The following NHEJ1 variants were observed in gnomAD, a reference collection of about 807,000 sequenced individuals.
NHEJ1 encodes non-homologous end joining factor 1, also known as non-homologous end-joining factor 1.
NHEJ1 carries 22 observed loss-of-function variants against 39.4 expected under a neutral mutation model. The observed-to-expected ratio is 0.56, with a 90% CI of 0.40 to 0.80. NHEJ1 has a LOEUF of 0.80. Among genes scored for constraint, NHEJ1 ranks in the 30% least tolerant of loss-of-function variants. The probability of loss-of-function intolerance (pLI) is 0.00; values close to 1 mark genes in which losing one functional copy is unlikely to be tolerated. For synonymous variants in NHEJ1, 154 were observed against 135.6 expected (o/e 1.14, Z -0.94); for missense variants, 329 against 357.1 (o/e 0.92, Z 0.63).
chr2:219,081,215 T>C (rs968597179), intron 5 of NHEJ1, among the ~76,000 whole-genome samples: 1 of 152,122 alleles, frequency 6.6e-6, no homozygotes, highest in Non-Finnish European at 1.5e-5. Context: ...TGGGCCTCAT[T>C]CTCAGAATAT....
chr2:219,069,612 CA>C lies in NHEJ1; in HGVS notation c.*6768del, dbSNP rs1224733603. 2.0e-5 allele frequency: 3 copies of C among 152,258 alleles called. No individual in the cohort carries two copies. In the South Asian group the frequency reaches 6.2e-4, roughly 32 times the overall value. 9.4% of individuals were successfully genotyped at this position (152,258 alleles called of 1,614,324 possible). A position where few individuals can be genotyped will look rare whatever the true frequency, so the allele number is the denominator to read the frequency against. On this transcript the variant is annotated 3_prime_UTR_variant, in exon 8 of 8. Transcript: ENST00000356853. ...TATGCATGGTTCTGGATGGGAATCTCAAAGATGATGGCGGTCATCAAATGGA... is the reference window on the plus strand; with the variant it reads ...TATGCATGGTTCTGGATGGGAATCTCAAGATGATGGCGGTCATCAAATGGA...
At chr2:219,160,685 T>C (rs1949927129) in intron 1 of NHEJ1, 35 bp downstream of exon 1, 1 of 152,296 alleles carries the variant, frequency 6.6e-6, no homozygotes, top group African/African-American at 2.4e-5. Context: ...CTCGCTGGCT[T>C]GCTCCTGCCC....
intron 5 of NHEJ1, among the ~76,000 whole-genome samples, chr2:219,122,747 A>C (rs1949483457): frequency 6.6e-6 from 1 of 152,238 alleles, no homozygotes; most frequent in South Asian, 2.1e-4. Context: ...GGCCTGAAGG[A>C]AGACTGCAGA....
chr2:219,076,804 G>A (rs1194872191), intron 7 of NHEJ1, among the ~76,000 whole-genome samples: 1 of 152,130 alleles, frequency 6.6e-6, no homozygotes, highest in Non-Finnish European at 1.5e-5. Context: ...GCCTCCCACA[G>A]GTTGTGATAA....
intron 5 of NHEJ1, among the ~76,000 whole-genome samples, chr2:219,079,389 T>A (rs1474765184): frequency 6.6e-6 from 1 of 152,176 alleles, no homozygotes; most frequent in Non-Finnish European, 1.5e-5. Context: ...TTTTGTGCTG[T>A]AAGGGCATTC....
chr2:219,072,805 T>C lies in NHEJ1; in HGVS notation c.*3576A>G, dbSNP rs1574694885. On this transcript the variant is annotated 3_prime_UTR_variant, in exon 8 of 8. Transcript: ENST00000356853. Reference sequence around the variant, plus strand: ...TACTCTCTGGAGCGAATCTGTGTAGTTTTGTAAGTAGGAGAAAATGAGAGA... The same window carrying C: ...TACTCTCTGGAGCGAATCTGTGTAGCTTTGTAAGTAGGAGAAAATGAGAGA... 6.6e-6 allele frequency among the ~76,000 whole-genome samples: 1 copy of C among 152,116 alleles called. No homozygotes were observed. Among genetic ancestry groups the C allele is most frequent in the Non-Finnish European group, 1.5e-5 (1 of 68,024 alleles).
At chr2:219,158,077 A>G in intron 2 of NHEJ1, 109 bp downstream of exon 2, 1 of 1,063,922 alleles carries the variant, frequency 9.4e-7, no homozygotes, top group South Asian at 1.3e-5. Context: ...AGTACAGGAC[A>G]TTAACTGGAA....
rs1574694885 is a variant in NHEJ1 at position 219,072,805 on chromosome 2, T to A, written c.*3576A>T. Among the ~76,000 whole-genome samples the A allele has an allele frequency of 6.6e-6, 1 of 152,116 alleles. No homozygotes were observed. Among genetic ancestry groups the A allele is most frequent in the East Asian group, 1.9e-4 (1 of 5,190 alleles). On this transcript the variant is annotated 3_prime_UTR_variant, in exon 8 of 8. Transcript: ENST00000356853. ...TACTCTCTGGAGCGAATCTGTGTAG[T>A]TTTGTAAGTAGGAGAAAATGAGAGA...
chr2:219,123,388 GA>G (rs977819227), intron 5 of NHEJ1, among the ~76,000 whole-genome samples: 1 of 152,168 alleles, frequency 6.6e-6, no homozygotes, highest in Non-Finnish European at 1.5e-5. Flanking sequence ...GTGAGAGACA[GA>G]AGGAGTCAGA....
chr2:219,152,781 T>C (rs1949808664), intron 3 of NHEJ1, among the ~76,000 whole-genome samples: 2 of 101,676 alleles, frequency 2.0e-5, no homozygotes, highest in African/African-American at 5.9e-5. Context: ...TTTCATTTAT[T>C]TATTTATTTT....
intron 5 of NHEJ1, among the ~76,000 whole-genome samples, chr2:219,104,609 G>T (rs187186729): frequency 9.9e-5 from 15 of 152,224 alleles, no homozygotes; most frequent in African/African-American, 3.6e-4. Context: ...TTTACTACAT[G>T]ACAGAAGGTG....
chr2:219,092,070 A>C (rs1183944517), intron 5 of NHEJ1, among the ~76,000 whole-genome samples: 1 of 152,198 alleles, frequency 6.6e-6, no homozygotes, highest in East Asian at 1.9e-4. Flanking sequence ...GTCTATGTAC[A>C]GTCTGCTTTG....
At chr2:219,153,184 T>C (rs934065130) in intron 3 of NHEJ1, among the ~76,000 whole-genome samples, 7 of 152,226 alleles carry the variant, frequency 4.6e-5, no homozygotes, top group East Asian at 3.8e-4. Flanking sequence ...ACATAAGTAA[T>C]ATTACATATG....
At chr2:219,150,967 GA>G (rs551174149) in intron 3 of NHEJ1, among the ~76,000 whole-genome samples, 91 of 144,626 alleles carry the variant, frequency 6.3e-4, no homozygotes, top group African/African-American at 1.0e-3. Flanking sequence ...AAAAAAAACA[GA>G]AAAAAAAAAA....
intron 5 of NHEJ1, among the ~76,000 whole-genome samples, chr2:219,099,839 A>C (rs779380605): frequency 7.9e-5 from 12 of 152,196 alleles, no homozygotes; most frequent in Admixed American, 6.6e-5. Context: ...TGCTCGAGGA[A>C]GAGACTGAAG....
intron 5 of NHEJ1, among the ~76,000 whole-genome samples, chr2:219,099,307 T>A (rs1270901492): frequency 6.6e-6 from 1 of 152,144 alleles, no homozygotes; most frequent in Non-Finnish European, 1.5e-5. Context: ...TGGACTCTAC[T>A]CACTACACCA....
At chr2:219,095,205 C>T (rs1029808447) in intron 5 of NHEJ1, 43 of 446,094 alleles carry the variant, frequency 9.6e-5, no homozygotes, top group African/African-American at 7.9e-4. Flanking sequence ...TTCAGCCTAA[C>T]TACCGACGTG....
intron 4 of NHEJ1, among the ~76,000 whole-genome samples, 158 bp downstream of exon 4, chr2:219,147,499 A>G (rs1574741968): frequency 6.6e-6 from 1 of 152,300 alleles, no homozygotes; most frequent in East Asian, 1.9e-4. Flanking sequence ...AACAAACAAA[A>G]AAGAGTCACC....
At chr2:219,081,389 C>G (rs904363302) in intron 5 of NHEJ1, among the ~76,000 whole-genome samples, 1 of 152,170 alleles carries the variant, frequency 6.6e-6, no homozygotes, top group African/African-American at 2.4e-5. Flanking sequence ...ATAAGTGCGA[C>G]TGAGCCAGGA....
Sources: allele counts gnomAD v4.1 joint callset (sites outside exome capture counted in the v4.1 genomes callset), GRCh38; gene constraint gnomAD v4.1.1; transcripts MANE v1.5; gene names NCBI Gene and HGNC (gene_info 2026-07-23, HGNC 2026-07-21).